Variants in SLC18A1 observed in about 807,000 individuals in gnomAD.
SLC18A1 encodes the protein chromaffin granule amine transporter.
A neutral mutation model predicts 53.7 loss-of-function variants in SLC18A1; 69 were observed. The observed-to-expected ratio is 1.28, with a 90% CI of 1.06 to 1.57. The LOEUF is 1.57. Ranked by LOEUF, SLC18A1 falls within the 40% of genes most tolerant of loss-of-function variation. The pLI is 0.00. For synonymous variants in SLC18A1, 320 were observed against 248.1 expected (o/e 1.29, Z -2.72); for missense variants, 932 against 668.1 (o/e 1.40, Z -4.35).
At chr8:20,179,778 C>A (rs1029793125) in intron 2 of SLC18A1, among the ~76,000 whole-genome samples, 9 of 152,208 alleles carry the variant, frequency 5.9e-5, no homozygotes, top group Admixed American at 5.9e-4. Context: ...TACAGTTAGT[C>A]CTCATTGTTC....
At chr8:20,182,406 G>A (rs1454778139) in intron 1 of SLC18A1, among the ~76,000 whole-genome samples, 1 of 152,080 alleles carries the variant, frequency 6.6e-6, no homozygotes, top group South Asian at 2.1e-4. Flanking sequence ...AGTAAAAAAG[G>A]GAAATTAAAC....
chr8:20,165,946 T>C (rs560939769), intron 8 of SLC18A1, among the ~76,000 whole-genome samples: 2 of 152,278 alleles, frequency 1.3e-5, no homozygotes, highest in Non-Finnish European at 2.9e-5. Context: ...CATTTTGGTA[T>C]GATAACCCTC....
At chr8:20,176,800 C>G (rs1172583287) in intron 4 of SLC18A1, among the ~76,000 whole-genome samples, 1 of 152,082 alleles carries the variant, frequency 6.6e-6, no homozygotes, top group African/African-American at 2.4e-5. Flanking sequence ...ATAAGTTAAA[C>G]AATAATTACT....
At chr8:20,149,868 C>G in intron 11 of SLC18A1, 141 bp from the exon 12 acceptor site, 1 of 697,822 alleles carries the variant, frequency 1.4e-6, no homozygotes, top group Non-Finnish European at 2.5e-6. Context: ...CCTACATGAC[C>G]AGTTTGTACC....
intron 8 of SLC18A1, among the ~76,000 whole-genome samples, chr8:20,169,487 G>A (rs2072055882): frequency 6.6e-6 from 1 of 152,120 alleles, no homozygotes; most frequent in Non-Finnish European, 1.5e-5. Context: ...TAGGGAAAAT[G>A]CTCTAAAGTA....
intron 10 of SLC18A1, among the ~76,000 whole-genome samples, chr8:20,159,161 A>C (rs963012282): frequency 6.6e-6 from 1 of 152,134 alleles, no homozygotes; most frequent in African/African-American, 2.4e-5. Flanking sequence ...CCATGCTCCA[A>C]TGTTGATGAC....
rs774424240 is a variant in SLC18A1, at chr8:20,147,701, A to T, written c.1232T>A (p.Met411Lys). The T allele has an allele frequency of 6.2e-7, 1 of 1,613,698 alleles. No individual in the cohort carries two copies. Among genetic ancestry groups the T allele is most frequent in the African/African-American group, 1.3e-5 (1 of 75,026 alleles). The change falls in exon 14 of 16, where the codon ATG (methionine) becomes AAG (lysine). Residue 411 changes from methionine (M) to lysine (K), a missense_variant. Physicochemically the swap from Met to Lys is moderately conservative, Grantham distance 95 (BLOSUM62 -1). Coordinates refer to ENST00000276373, the MANE Select transcript of SLC18A1 (RefSeq NM_003053.4). ...LAIGMVDSSM[M>K]PIMGHLVDLR... Reference sequence around the variant, plus strand: ...ATCCACCAGGTGCCCCATGATGGGCATCATAGAAGAATCCACCATGCCTGT... The same window carrying T: ...ATCCACCAGGTGCCCCATGATGGGCTTCATAGAAGAATCCACCATGCCTGT...
chr8:20,170,383 T>C (rs1226666763), intron 8 of SLC18A1, among the ~76,000 whole-genome samples: 2 of 152,210 alleles, frequency 1.3e-5, no homozygotes, highest in Admixed American at 1.3e-4. Flanking sequence ...GCTGAGCTCC[T>C]GGTGCGTGAA....
intron 15 of SLC18A1, among the ~76,000 whole-genome samples, chr8:20,146,161 C>G (rs1460828878): frequency 6.6e-6 from 1 of 152,060 alleles, no homozygotes; most frequent in Non-Finnish European, 1.5e-5. Flanking sequence ...GTGATGCGCC[C>G]GCCTCAGCCT....
chr8:20,171,720 A>G (rs974324223), intron 6 of SLC18A1, among the ~76,000 whole-genome samples: 1 of 149,810 alleles, frequency 6.7e-6, no homozygotes, highest in Admixed American at 6.7e-5. Context: ...GCGTGTGTGT[A>G]TGTATGTGTG....
chr8:20,158,781 CA>C (rs1304014501), intron 10 of SLC18A1, among the ~76,000 whole-genome samples: 2 of 152,120 alleles, frequency 1.3e-5, no homozygotes, highest in East Asian at 3.9e-4. Flanking sequence ...TCTGCTTTCC[CA>C]AATACCAGAG....
intron 10 of SLC18A1, among the ~76,000 whole-genome samples, chr8:20,162,179 C>A (rs976477594): frequency 6.6e-6 from 1 of 152,138 alleles, no homozygotes; most frequent in East Asian, 1.9e-4. Flanking sequence ...GGGCAGTGAG[C>A]CCATGGAGGG....
chr8:20,149,609 TCTC>T, intron 12 of SLC18A1, 64 bp downstream of exon 12: 1 of 1,260,846 alleles, frequency 7.9e-7, no homozygotes, highest in Non-Finnish European at 1.1e-6. Context: ...TCTCTCTCTC[TCTC>T]TCTCTGTCTG....
chr8:20,173,097 A>T lies in SLC18A1; in HGVS notation c.663T>A (p.Asp221Glu). ...CCATGGCTCGTCCTCTCTCATGGTC[A>T]TCAGTGTAGACACTGGCCAGCATTC... Reference protein sequence around the residue: ...GLGMLASVYTDDHERGRAMGT... With the variant: ...GLGMLASVYTEDHERGRAMGT... Residue 221 changes from aspartate (D) to glutamate (E), a missense_variant, in exon 6 of 16, where the codon GAT becomes GAA. By Grantham distance (45) the Asp-to-Glu change is conservative. Transcript: ENST00000276373. 1 of 1,579,658 alleles carries T rather than the reference A, an allele frequency of 6.3e-7. No individual in the cohort carries two copies. Among genetic ancestry groups the T allele is most frequent in the Non-Finnish European group, 8.6e-7 (1 of 1,163,454 alleles).
intron 1 of SLC18A1, among the ~76,000 whole-genome samples, chr8:20,181,384 A>G (rs1027096035): frequency 5.9e-5 from 9 of 152,110 alleles, no homozygotes; most frequent in African/African-American, 2.2e-4. Context: ...TTGATGGTTT[A>G]TGTCATATCT....
intron 8 of SLC18A1, among the ~76,000 whole-genome samples, chr8:20,167,910 C>T (rs1487747916): frequency 1.3e-5 from 2 of 151,998 alleles, no homozygotes; most frequent in African/African-American, 4.8e-5. Flanking sequence ...CGTGAACCAC[C>T]GTGCCCGGCC....
chr8:20,147,508 A>G lies in SLC18A1; in HGVS notation c.1330+95T>C, dbSNP rs561417255. Reference sequence around the variant, plus strand: ...CCCAGAGGATGTCTCAGCGTCAAAGATCTCCAGAACCCTAGGAGGATAGCT... The same window carrying G: ...CCCAGAGGATGTCTCAGCGTCAAAGGTCTCCAGAACCCTAGGAGGATAGCT... On this transcript the variant is annotated intron_variant, in intron 14 of 15. Transcript: ENST00000276373. 46 of 1,584,726 alleles carry G rather than the reference A, an allele frequency of 2.9e-5. No individual in the cohort carries two copies. The South Asian group carries it at 4.6e-4, about 16-fold the overall frequency.
Position 20,164,894 on chromosome 8 carries a change from G to T in SLC18A1, c.990C>A (p.Thr330=), listed in dbSNP as rs1247451331. ...CCAGCTGCCACTTGGGGGAGCACAT[G>T]GTCTGCATCATCCAGATGGGCAGTG... is the stretch of plus-strand genomic sequence containing the variant. ...EPTLPIWMMQ[T]MCSPKWQLGL... The change falls in exon 10 of 16, where the codon ACC becomes ACA. Residue 330 remains threonine (T), a synonymous_variant. Coordinates refer to ENST00000276373, the MANE Select transcript of SLC18A1 (RefSeq NM_003053.4). 6.2e-7 allele frequency: 1 copy of T among 1,613,070 alleles called. No homozygotes were observed. Among genetic ancestry groups the T allele is most frequent in the Middle Eastern group, 1.7e-4 (1 of 6,046 alleles).
intron 4 of SLC18A1, among the ~76,000 whole-genome samples, chr8:20,177,447 C>T (rs1199007596): frequency 6.6e-6 from 1 of 152,090 alleles, no homozygotes; most frequent in East Asian, 1.9e-4. Context: ...ACAGAGAACA[C>T]ATGGACACCG....
Sources: allele counts gnomAD v4.1 joint callset (sites outside exome capture counted in the v4.1 genomes callset), GRCh38; gene constraint gnomAD v4.1.1; transcripts MANE v1.5; gene names NCBI Gene and HGNC (gene_info 2026-07-23, HGNC 2026-07-21).